PDE4D: variants seen among roughly 807,000 people sequenced by gnomAD.
PDE4D encodes the protein phosphodiesterase 4D.
In PDE4D, 24 loss-of-function variants were observed where a neutral mutation model predicts 87.4. The observed-to-expected ratio is 0.27, with a 90% CI of 0.20 to 0.39. The LOEUF (loss-of-function observed/expected upper bound fraction) is 0.39, where lower values mean the gene tolerates loss of function less well. Ranked by LOEUF, PDE4D falls within the 10% of genes least tolerant of loss-of-function variation. The probability of loss-of-function intolerance (pLI) is 1.00; values close to 1 mark genes in which losing one functional copy is unlikely to be tolerated. For synonymous variants in PDE4D, 384 were observed against 383.2 expected, an observed-to-expected ratio of 1.00 and a Z score of -0.02; for missense variants, 714 against 1,041.0, an observed-to-expected ratio of 0.69 and a Z score of 4.32.
At chr5:60,500,274 T>C (rs997470544) in intron 1 of PDE4D, among the ~76,000 whole-genome samples, 2 of 151,730 alleles carry the variant, frequency 1.3e-5, no homozygotes, top group African/African-American at 4.8e-5. Flanking sequence ...TGCCACTGCA[T>C]CCCAGACTGG....
At chr5:59,994,545 T>C (rs368331764) in intron 2 of PDE4D, among the ~76,000 whole-genome samples, 11 of 152,208 alleles carry the variant, frequency 7.2e-5, no homozygotes, top group African/African-American at 2.6e-4. Context: ...GAAATGTGTA[T>C]GGGTCTGTGT....
chr5:59,649,905 CT>C (rs1156467369), intron 1 of PDE4D, among the ~76,000 whole-genome samples: 39 of 72,436 alleles, frequency 5.4e-4, no homozygotes, highest in African/African-American at 1.3e-3. Flanking sequence ...GTTTGTGAAC[CT>C]TTTTTTTTTT....
chr5:60,052,653 A>C (rs1770315589), intron 2 of PDE4D, among the ~76,000 whole-genome samples: 3 of 152,058 alleles, frequency 2.0e-5, no homozygotes, highest in Admixed American at 1.3e-4. Context: ...CTCTCTCACC[A>C]CTCCTATTCA....
At chr5:60,147,448 A>G (rs1025074681) in intron 2 of PDE4D, among the ~76,000 whole-genome samples, 2 of 152,196 alleles carry the variant, frequency 1.3e-5, no homozygotes, top group East Asian at 3.9e-4. Context: ...TTCAAACTCT[A>G]ATTTTCTAGG....
Position 59,683,322 on chromosome 5 carries a change from G to T in PDE4D, c.455+209846C>A, listed in dbSNP as rs116694648. Among the ~76,000 whole-genome samples the T allele has an allele frequency of 5.8e-3, 886 of 152,152 alleles. 11 individuals carry two copies. The highest frequency in any genetic ancestry group is 0.02 in the African/African-American group (831 of 41,522). On this transcript the variant is annotated intron_variant, in intron 1 of 14. Coordinates refer to ENST00000340635, the MANE Select transcript of PDE4D (RefSeq NM_001104631.2). ...AACATTTGGGGGATATTGGTGAGGGGTATCTGGGAATTCCTTGTGCTATTC... is the reference window on the plus strand; with the variant it reads ...AACATTTGGGGGATATTGGTGAGGGTTATCTGGGAATTCCTTGTGCTATTC...
chr5:59,168,875 A>G (rs79999203), intron 5 of PDE4D, among the ~76,000 whole-genome samples: 3,341 of 152,322 alleles, frequency 0.022, 135 homozygotes, highest in African/African-American at 0.076. Flanking sequence ...TAATCAAATT[A>G]TTCAACTTGT....
chr5:59,860,424 A>ACACTT (rs575989530), intron 1 of PDE4D, among the ~76,000 whole-genome samples: 159 of 152,270 alleles, frequency 1.0e-3, no homozygotes, highest in African/African-American at 3.6e-3. Flanking sequence ...GCACCCCACT[A>ACACTT]AGTGATTTTT....
At chr5:59,087,514 A>G (rs1033236744) in intron 5 of PDE4D, among the ~76,000 whole-genome samples, 1 of 152,184 alleles carries the variant, frequency 6.6e-6, no homozygotes, top group Non-Finnish European at 1.5e-5. Flanking sequence ...AAGGAAAAAA[A>G]TTCTTACAGA....
chr5:59,835,072 T>C (rs1361132718), intron 1 of PDE4D, among the ~76,000 whole-genome samples: 3 of 152,090 alleles, frequency 2.0e-5, no homozygotes, highest in African/African-American at 7.2e-5. Context: ...TGCAATTTAG[T>C]TGAAAGACAT....
chr5:60,120,947 C>T (rs1043364135), intron 2 of PDE4D, among the ~76,000 whole-genome samples: 8 of 152,078 alleles, frequency 5.3e-5, no homozygotes, highest in African/African-American at 1.9e-4. Context: ...TCTGAGTGGG[C>T]ACTATCTAAT....
At chr5:59,427,336 C>CACACAA (rs1795432105) in intron 1 of PDE4D, among the ~76,000 whole-genome samples, 1 of 140,278 alleles carries the variant, frequency 7.1e-6, no homozygotes, top group Non-Finnish European at 1.5e-5. Context: ...CACACACACA[C>CACACAA]ACGCCCCTAT....
chr5:59,109,252 A>T (rs906589438), intron 5 of PDE4D, among the ~76,000 whole-genome samples: 1 of 152,208 alleles, frequency 6.6e-6, no homozygotes, highest in African/African-American at 2.4e-5. Context: ...AGTCCCTTGG[A>T]TAAACCAGTG....
chr5:59,768,475 A>G (rs1437037189), intron 1 of PDE4D: 1 of 1,598,372 alleles, frequency 6.3e-7, no homozygotes, highest in South Asian at 1.1e-5. Flanking sequence ...CACTTCAGGT[A>G]CTGTTAAAGT....
At chr5:59,692,995 T>C (rs1751215465) in intron 1 of PDE4D, among the ~76,000 whole-genome samples, 1 of 152,124 alleles carries the variant, frequency 6.6e-6, no homozygotes, top group Non-Finnish European at 1.5e-5. Context: ...TAATGTATTA[T>C]AGTATGAGCA....
chr5:60,328,713 T>G (rs1385944932), intron 1 of PDE4D, among the ~76,000 whole-genome samples: 1 of 152,240 alleles, frequency 6.6e-6, no homozygotes, highest in Non-Finnish European at 1.5e-5. Flanking sequence ...TAAGCATATG[T>G]TCTGTTATTT....
chr5:59,213,106 T>TCTTCTC (rs1335666301), intron 2 of PDE4D, among the ~76,000 whole-genome samples: 1 of 151,138 alleles, frequency 6.6e-6, no homozygotes, highest in Non-Finnish European at 1.5e-5. Context: ...CTTTTACTCT[T>TCTTCTC]CTTCTCCTTC....
intron 2 of PDE4D, among the ~76,000 whole-genome samples, chr5:60,002,781 C>T (rs1217030832): frequency 6.6e-6 from 1 of 152,036 alleles, no homozygotes; most frequent in African/African-American, 2.4e-5. Flanking sequence ...AACCTCAAGA[C>T]AATAAACGCC....
chr5:59,783,749 T>C (rs1764856374), intron 1 of PDE4D, among the ~76,000 whole-genome samples: 2 of 152,188 alleles, frequency 1.3e-5, no homozygotes, highest in East Asian at 1.9e-4. Flanking sequence ...GAACATTCCA[T>C]GTAAAGAACA....
intron 11 of PDE4D, among the ~76,000 whole-genome samples, chr5:58,978,536 T>C (rs1580051432): frequency 6.6e-6 from 1 of 152,212 alleles, no homozygotes; most frequent in East Asian, 1.9e-4. Flanking sequence ...ATATATCTTT[T>C]TTTAAGAAAG....
Sources: allele counts gnomAD v4.1 joint callset (sites outside exome capture counted in the v4.1 genomes callset), GRCh38; gene constraint gnomAD v4.1.1; transcripts MANE v1.5; gene names NCBI Gene and HGNC (gene_info 2026-07-23, HGNC 2026-07-21).